Variants in HPGD observed in about 807,000 individuals in gnomAD.
The protein encoded by HPGD is 15-hydroxyprostaglandin dehydrogenase.
Under a neutral mutation model 30.0 loss-of-function variants are expected in HPGD, and 29 were observed. The ratio of observed to expected loss-of-function variants is 0.97; its 90% CI spans 0.72 to 1.32. The LOEUF (loss-of-function observed/expected upper bound fraction) is 1.32. Ranked by LOEUF, HPGD falls within the 40% of genes most tolerant of loss-of-function variation. The pLI, the probability that HPGD is intolerant of heterozygous loss-of-function variation, is 0.00. For synonymous variants in HPGD, 99 were observed against 112.4 expected (o/e 0.88, Z 0.75); for missense variants, 340 against 322.1 (o/e 1.06, Z -0.43).
intron 2 of HPGD, among the ~76,000 whole-genome samples, chr4:174,518,364 G>T (rs1285943972): frequency 1.3e-5 from 2 of 152,162 alleles, no homozygotes; most frequent in African/African-American, 2.4e-5. Flanking sequence ...GCACATTGAA[G>T]TTCTATAAGC....
intron 6 of HPGD, 116 bp downstream of exon 6, chr4:174,493,035 G>T: frequency 1.0e-6 from 1 of 990,424 alleles, no homozygotes. Context: ...CAAACCAAAA[G>T]TTTGAAGCTT....
chr4:174,514,000 T>C (rs1214834518), intron 3 of HPGD, among the ~76,000 whole-genome samples: 2 of 151,842 alleles, frequency 1.3e-5, no homozygotes, highest in Non-Finnish European at 2.9e-5. Flanking sequence ...TGTTGAGAAA[T>C]GAACAGATCA....
At chr4:174,499,070 C>G (rs2052020327) in intron 4 of HPGD, among the ~76,000 whole-genome samples, 1 of 152,048 alleles carries the variant, frequency 6.6e-6, no homozygotes, top group Non-Finnish European at 1.5e-5. Context: ...TACTGTAGGC[C>G]CACAACACCA....
intron 4 of HPGD, chr4:174,508,066 T>C (rs1423527034): frequency 1.4e-6 from 1 of 694,706 alleles, no homozygotes; most frequent in African/African-American, 1.8e-5. Flanking sequence ...GTTCTTCTTC[T>C]CTTTCTGCTA....
At chr4:174,511,288 T>C (rs1207118296) in intron 3 of HPGD, among the ~76,000 whole-genome samples, 1 of 152,216 alleles carries the variant, frequency 6.6e-6, no homozygotes, top group Admixed American at 6.5e-5. Context: ...GACCCACTTA[T>C]GCCTAGTGTT....
chr4:174,512,027 T>C (rs1735533662), intron 3 of HPGD, among the ~76,000 whole-genome samples: 1 of 152,116 alleles, frequency 6.6e-6, no homozygotes, highest in Non-Finnish European at 1.5e-5. Context: ...AAGTATAAAA[T>C]AGCCTAATGG....
intron 4 of HPGD, among the ~76,000 whole-genome samples, chr4:174,500,321 T>C (rs1579279038): frequency 6.6e-6 from 1 of 152,316 alleles, no homozygotes; most frequent in African/African-American, 2.4e-5. Context: ...GAATGCAAAA[T>C]GGCACAGCCA....
At chr4:174,508,356 C>T (rs1372929289) in intron 4 of HPGD, among the ~76,000 whole-genome samples, 1 of 152,130 alleles carries the variant, frequency 6.6e-6, no homozygotes, top group Non-Finnish European at 1.5e-5. Context: ...CTTAACTTCA[C>T]TTTAGTGCTT....
intron 4 of HPGD, chr4:174,508,259 T>C: frequency 3.2e-6 from 2 of 634,820 alleles, no homozygotes; most frequent in Non-Finnish European, 5.8e-6. Context: ...TTTGGCTTTA[T>C]TTATTAGTTT....
rs1241022167 is a variant in HPGD at position 174,498,756 on chromosome 4, TG to T, written c.422-3133del. ...TTCCCTAATATAGGTAGATTTTAAC[TG>T]GTGCTTCTTATGTTTTGAACAGGCA... is the stretch of plus-strand genomic sequence containing the variant. On this transcript the variant is annotated intron_variant, in intron 4 of 6. Coordinates refer to ENST00000296522, the MANE Select transcript of HPGD (RefSeq NM_000860.6). Among the ~76,000 whole-genome samples, 6 of 152,140 alleles carry T rather than the reference TG, an allele frequency of 3.9e-5. 1 individual carries two copies. Among genetic ancestry groups the T allele is most frequent in the Admixed American group, 3.9e-4 (6 of 15,284 alleles).
At chr4:174,517,870 A>G (rs1322594524) in intron 3 of HPGD, 101 bp downstream of exon 3, 4 of 663,110 alleles carry the variant, frequency 6.0e-6, no homozygotes, top group Non-Finnish European at 1.1e-5. Context: ...TCAATATTGT[A>G]GGTCATTGTT....
At chr4:174,497,847 A>G (rs1238127348) in intron 4 of HPGD, among the ~76,000 whole-genome samples, 1 of 151,456 alleles carries the variant, frequency 6.6e-6, no homozygotes, top group Admixed American at 6.6e-5. Context: ...AAGTGCTGGG[A>G]TTACAGGCAT....
At position 174,492,077 on chromosome 4, in the gene HPGD, T is replaced by C. The variant is rs117270501; in HGVS notation, c.680A>G (p.Asn227Ser). 448 of 1,611,702 alleles carry C rather than the reference T, an allele frequency of 2.8e-4. 4 individuals carry two copies. In the East Asian group the frequency reaches 7.8e-3, roughly 28 times the overall value. ...YGILDPPLIA[N>S]GLITLIEDDA... Reference sequence around the variant, plus strand: ...ATCTTCAATGAGTGTTATCAATCCATTGGCAATCAATGGTGGGCTAAAAAT... The same window carrying C: ...ATCTTCAATGAGTGTTATCAATCCACTGGCAATCAATGGTGGGCTAAAAAT... Residue 227 changes from asparagine (N) to serine (S), a missense_variant, in exon 7 of 7, where the codon AAT becomes AGT. Physicochemically the swap from Asn to Ser is conservative, Grantham distance 46. Transcript: ENST00000296522. The surrounding 1 kb of genome is among the most constrained non-coding windows in gnomAD (Gnocchi z 4.9).
chr4:174,520,281 A>G (rs937746434), intron 2 of HPGD, among the ~76,000 whole-genome samples: 1 of 152,202 alleles, frequency 6.6e-6, no homozygotes, highest in Admixed American at 6.5e-5. Context: ...CCTCTTGCTG[A>G]CATTTATATG....
intron 3 of HPGD, among the ~76,000 whole-genome samples, chr4:174,514,598 G>A (rs1735672815): frequency 6.6e-6 from 1 of 152,066 alleles, no homozygotes; most frequent in African/African-American, 2.4e-5. Flanking sequence ...CGCCTTGAGA[G>A]CTGAAACAAG....
intron 4 of HPGD, among the ~76,000 whole-genome samples, chr4:174,499,586 T>C (rs934132086): frequency 6.6e-6 from 1 of 152,174 alleles, no homozygotes; most frequent in Non-Finnish European, 1.5e-5. Context: ...CTACAACTCA[T>C]TCCCATCAGG....
At position 174,490,208 on chromosome 4, in the gene HPGD, T is replaced by C. The variant is rs1481790767; in HGVS notation, c.*1748A>G. On this transcript the variant is annotated 3_prime_UTR_variant, in exon 7 of 7. Transcript: ENST00000296522. This position sits in a 1 kb window ranked among gnomAD's most constrained non-coding sequence, Gnocchi z 4.4. ...CCCTAACTTCAGTTTAATTATTTTC[T>C]CAATCAGTATACACCAGAGATGCCA... is the stretch of plus-strand genomic sequence containing the variant. 2 of 152,306 alleles carry C rather than the reference T, an allele frequency of 1.3e-5. No homozygotes were observed. Among genetic ancestry groups the C allele is most frequent in the East Asian group, 3.7e-4 (2 of 5,338 alleles). 9.4% of individuals were successfully genotyped at this position (152,306 alleles called of 1,614,324 possible).
chr4:174,508,493 TA>T (rs767247456), intron 4 of HPGD, among the ~76,000 whole-genome samples: 117 of 152,260 alleles, frequency 7.7e-4, no homozygotes, highest in Non-Finnish European at 1.3e-3. Context: ...AAGATAACTT[TA>T]AAAGCCACAA....
intron 4 of HPGD, among the ~76,000 whole-genome samples, chr4:174,497,129 T>G (rs527724263): frequency 1.3e-5 from 2 of 152,190 alleles, no homozygotes; most frequent in Admixed American, 6.5e-5. Context: ...TAAATGTTTA[T>G]GAGACAAAGG....
Sources: gnomAD v4.1 joint callset for allele counts (sites outside exome capture counted in the v4.1 genomes callset) on GRCh38, gnomAD v4.1.1 for gene constraint, Gnocchi (gnomAD v3.1) non-coding constraint, MANE v1.5 for transcripts, NCBI Gene and HGNC (gene_info 2026-07-23, HGNC 2026-07-21) for gene names.